Variants in RFX5 observed in about 807,000 individuals in gnomAD.
RFX5 encodes the protein regulatory factor X5, also known as DNA-binding protein RFX5.
Under a neutral mutation model 41.2 loss-of-function variants are expected in RFX5, and 30 were observed. The observed-to-expected ratio is 0.73, with a 90% CI of 0.54 to 0.99. The LOEUF is 0.99. Ranked by LOEUF, RFX5 falls within the 50% of genes least tolerant of loss-of-function variation. The pLI, the probability that RFX5 is intolerant of heterozygous loss-of-function variation, is 0.00. For missense variants in RFX5, 715 were observed against 773.6 expected, an observed-to-expected ratio of 0.92 and a Z score of 0.90; for synonymous variants, 231 against 291.8, an observed-to-expected ratio of 0.79 and a Z score of 2.12.
At position 151,343,374 on chromosome 1, in the gene RFX5, C is replaced by T. The variant is rs2102062601; in HGVS notation, c.826G>A (p.Gly276Arg). Residue 276 changes from glycine to arginine, a missense_variant, in exon 10 of 11, where the codon GGA becomes AGA. Gly to Arg is a moderately radical substitution (Grantham distance 125). Coordinates refer to ENST00000452671, the MANE Select transcript of RFX5 (RefSeq NM_001025603.2). ...PKNGLENPEG[G>R]AHKKPERLAQ... ...AGTCTCTCTGGCTTCTTGTGGGCTC[C>T]ACCCTCTGGGTTCTCTAAACCATTC... 2 of 1,613,596 alleles carry T rather than the reference C, an allele frequency of 1.2e-6. No homozygotes were observed. The highest frequency in any genetic ancestry group is 1.7e-6 in the Non-Finnish European group (2 of 1,180,020).
chr1:151,342,204 T>A lies in RFX5; in HGVS notation c.1833A>T (p.Pro611=). 1 of 1,614,200 alleles carries A rather than the reference T, an allele frequency of 6.2e-7. No individual in the cohort carries two copies. Among genetic ancestry groups the A allele is most frequent in the Non-Finnish European group, 8.5e-7 (1 of 1,180,036 alleles). ...ACCTGTATCATGGGGGTGTTGCTTT[T>A]GGGTCTTTATGCTCCTGGGATAAGG... The part of the protein sequence containing the change: ...QSSLSQEHKD[P]KATPP The change falls in exon 11 of 11, where the codon CCA becomes CCT. Residue 611 remains proline, a synonymous_variant. Coordinates refer to ENST00000452671, the MANE Select transcript of RFX5 (RefSeq NM_001025603.2).
chr1:151,344,701 C>A, intron 6 of RFX5, 27 bp downstream of exon 6: 1 of 1,550,214 alleles, frequency 6.5e-7, no homozygotes, highest in South Asian at 1.2e-5. Context: ...CCAATCCACT[C>A]ATCCCACCAC....
At position 151,346,269 on chromosome 1, in the gene RFX5, G is replaced by T. The variant is rs1291514468; in HGVS notation, c.52C>A (p.Pro18Thr). 2.5e-6 allele frequency: 4 copies of T among 1,614,162 alleles called. No individual in the cohort carries two copies. Among genetic ancestry groups the T allele is most frequent in the Non-Finnish European group, 3.4e-6 (4 of 1,180,032 alleles). Reference sequence around the variant, plus strand: ...TCCCCAGCCTCAGCACCACCTGGGGGGGCCCTTCCCCCAGTCTTGGGGCTC... The same window carrying T: ...TCCCCAGCCTCAGCACCACCTGGGGTGGCCCTTCCCCCAGTCTTGGGGCTC... ...AKSPKTGGRAPPGGAEAGEPT... is the reference protein window; with the variant it reads ...AKSPKTGGRATPGGAEAGEPT... Residue 18 changes from proline to threonine, a missense_variant, in exon 3 of 11, where the codon CCC (proline) becomes ACC (threonine). Pro to Thr is a conservative substitution (Grantham distance 38). Transcript: ENST00000452671.
chr1:151,342,164 C>T lies in RFX5; in HGVS notation c.*22G>A, dbSNP rs1048058994. 6.8e-6 allele frequency: 11 copies of T among 1,614,084 alleles called. No homozygotes were observed. The highest frequency in any genetic ancestry group is 8.5e-6 in the Non-Finnish European group (10 of 1,180,042). On this transcript the variant is annotated 3_prime_UTR_variant, in exon 11 of 11. Coordinates refer to ENST00000452671, the MANE Select transcript of RFX5 (RefSeq NM_001025603.2). ...GGCAAAGTTAACGTAGGGATATAAA[C>T]ACTCTTCCCCACAGACCTGTATCAT... is the stretch of plus-strand genomic sequence containing the variant.
At position 151,344,477 on chromosome 1, in the gene RFX5, A is replaced by C; in HGVS notation, c.413T>G (p.Ile138Ser). The C allele has an allele frequency of 6.2e-7, 1 of 1,614,190 alleles. No homozygotes were observed. The highest frequency in any genetic ancestry group is 8.5e-7 in the Non-Finnish European group (1 of 1,180,036). ...GATGTCAGGGAAGATCTCTCTGATG[A>C]TCTTGCCAAAGTTGGCTGTGCTGAG... Reference protein sequence around the residue: ...RPLSTANFGKIIREIFPDIKA... With the variant: ...RPLSTANFGKSIREIFPDIKA... Residue 138 changes from isoleucine to serine, a missense_variant, in exon 7 of 11, where the codon ATC becomes AGC. Coordinates refer to ENST00000452671, the MANE Select transcript of RFX5 (RefSeq NM_001025603.2).
Position 151,342,108 on chromosome 1 carries a change from G to A in RFX5, c.*78C>T, listed in dbSNP as rs781535434. On this transcript the variant is annotated 3_prime_UTR_variant, in exon 11 of 11. Transcript: ENST00000452671. ...TTCCTTAGGAAAAGAATAGCCAAAT[G>A]AGAAGCAAGTGCAAAGAAGGGCCTC... 3.8e-6 allele frequency: 6 copies of A among 1,596,022 alleles called. No individual in the cohort carries two copies. Among genetic ancestry groups the A allele is most frequent in the East Asian group, 2.2e-5 (1 of 44,794 alleles).
At position 151,342,268 on chromosome 1, in the gene RFX5, T is replaced by G; in HGVS notation, c.1769A>C (p.Gln590Pro). 6.2e-7 allele frequency: 1 copy of G among 1,614,226 alleles called. No homozygotes were observed. Among genetic ancestry groups the G allele is most frequent in the Non-Finnish European group, 8.5e-7 (1 of 1,180,042 alleles). ...LAKGEVDTAPQGNKDLKEHVL... is the reference protein window; with the variant it reads ...LAKGEVDTAPPGNKDLKEHVL... ...ATGCTCCTTTAAGTCTTTATTACCC[T>G]GTGGTGCAGTGTCTACCTCTCCCTT... Residue 590 changes from glutamine to proline, a missense_variant, in exon 11 of 11, where the codon CAG becomes CCG. Gln to Pro is a moderately conservative substitution (Grantham distance 76). Coordinates refer to ENST00000452671, the MANE Select transcript of RFX5 (RefSeq NM_001025603.2).
chr1:151,344,573 A>C (rs1290581737), intron 6 of RFX5, 37 bp from the exon 7 acceptor site: 3 of 1,614,006 alleles, frequency 1.9e-6, no homozygotes, highest in Non-Finnish European at 2.5e-6. Context: ...AGATACTCAG[A>C]GAAGGAGGCC....
chr1:151,343,226 G>A (rs1571258472), intron 10 of RFX5, 48 bp from the exon 11 acceptor site: 5 of 1,610,346 alleles, frequency 3.1e-6, no homozygotes, highest in Non-Finnish European at 4.2e-6. Context: ...AATGAGTATT[G>A]GGGGAAACAT....
At chr1:151,344,070 A>C in intron 8 of RFX5, 127 bp downstream of exon 8, 1 of 1,145,172 alleles carries the variant, frequency 8.7e-7, no homozygotes, top group Non-Finnish European at 1.3e-6. Context: ...GGTTGGCAGA[A>C]GGGAACATCA....
rs1339696482 is a variant in RFX5, at chr1:151,341,371, T to C, written c.*815A>G. 1 of 152,826 alleles carries C rather than the reference T, an allele frequency of 6.5e-6. No individual in the cohort carries two copies. The highest frequency in any genetic ancestry group is 2.4e-5 in the African/African-American group (1 of 41,456). 9.5% of individuals were successfully genotyped at this position (152,826 alleles called of 1,614,324 possible). A position where few individuals can be genotyped will look rare whatever the true frequency, so the allele number is the denominator to read the frequency against. On this transcript the variant is annotated 3_prime_UTR_variant, in exon 11 of 11. Transcript: ENST00000452671. ...TCTAGCTGATCTCAACTTAGCAAGCTAAAATAAGAGTAGCCTGGTGTTAGC... is the reference window on the plus strand; with the variant it reads ...TCTAGCTGATCTCAACTTAGCAAGCCAAAATAAGAGTAGCCTGGTGTTAGC...
rs1349216150 is a variant in RFX5, at chr1:151,343,365, T to C, written c.835A>G (p.Lys279Glu). 3.1e-6 allele frequency: 5 copies of C among 1,613,388 alleles called. No homozygotes were observed. The highest frequency in any genetic ancestry group is 4.2e-6 in the Non-Finnish European group (5 of 1,180,034). The change falls in exon 10 of 11, where the codon AAG becomes GAG. Residue 279 changes from lysine (K) to glutamate (E), a missense_variant. Lys to Glu is a moderately conservative substitution (Grantham distance 56). Transcript: ENST00000452671. Reference protein sequence around the residue: ...GLENPEGGAHKKPERLAQPPK... With the variant: ...GLENPEGGAHEKPERLAQPPK... ...ACCTGGGCCAGTCTCTCTGGCTTCT[T>C]GTGGGCTCCACCCTCTGGGTTCTCT...
chr1:151,346,117 G>A, intron 3 of RFX5, 88 bp downstream of exon 3: 2 of 1,550,392 alleles, frequency 1.3e-6, no homozygotes, highest in Middle Eastern at 1.7e-4. Flanking sequence ...CCCTTGCTGA[G>A]AGGCAGTTCA....
chr1:151,344,791 C>T lies in RFX5; in HGVS notation c.290G>A (p.Arg97His), dbSNP rs756804631. Reference protein sequence around the residue: ...EEYMYAYRWIRNHLEEHTDTC... With the variant: ...EEYMYAYRWIHNHLEEHTDTC... ...GTCAGTGTGCTCTTCCAGGTGGTTG[C>T]GGATCCACCTATAGGCATACATGTA... The change falls in exon 6 of 11, where the codon CGC becomes CAC. Residue 97 changes from arginine to histidine, a missense_variant. Physicochemically the swap from Arg to His is conservative, Grantham distance 29. Coordinates refer to ENST00000452671, the MANE Select transcript of RFX5 (RefSeq NM_001025603.2). 1.9e-6 allele frequency: 3 copies of T among 1,563,796 alleles called. No individual in the cohort carries two copies. Among genetic ancestry groups the T allele is most frequent in the East Asian group, 5.0e-5 (2 of 40,306 alleles).
At chr1:151,346,061 G>A (rs1651022164) in intron 3 of RFX5, 100 bp from the exon 4 acceptor site, 12 of 1,596,814 alleles carry the variant, frequency 7.5e-6, no homozygotes, top group Admixed American at 1.7e-5. Context: ...CCCAGCAGGT[G>A]CTCAAGAATT....
At position 151,344,308 on chromosome 1, in the gene RFX5, T is replaced by C. The variant is rs201051447; in HGVS notation, c.474-30A>G. On this transcript the variant is annotated intron_variant, in intron 7 of 10. Coordinates refer to ENST00000452671, the MANE Select transcript of RFX5 (RefSeq NM_001025603.2). The stretch of plus-strand genomic sequence containing the variant: ...TGCAAGTTAAAGAGCAGCCAACACA[T>C]GGCGATCTCCAAGCCCCTCGAGCAA... The C allele has an allele frequency of 3.1e-6, 5 of 1,613,934 alleles. No homozygotes were observed. The Admixed American group carries it at 6.7e-5, about 22-fold the overall frequency.
rs745798149 is a variant in RFX5, at chr1:151,344,177, G to A, written c.555+20C>T. 3 of 1,611,802 alleles carry A rather than the reference G, an allele frequency of 1.9e-6. No homozygotes were observed. In the African/African-American group the frequency reaches 4.0e-5, roughly 22 times the overall value. ...TACCTGGGAGAGAAGAGTGGAATTG[G>A]AAGGTGATTTGGTACTTACACTCTC... On this transcript the variant is annotated intron_variant, in intron 8 of 10. Coordinates refer to ENST00000452671, the MANE Select transcript of RFX5 (RefSeq NM_001025603.2).
At chr1:151,344,703 T>TCCCCCCCCCCCCCCCCCCCCCCCC in intron 6 of RFX5, 25 bp downstream of exon 6, 2 of 1,515,614 alleles carry the variant, frequency 1.3e-6, no homozygotes, top group Non-Finnish European at 1.8e-6. Flanking sequence ...AATCCACTCA[T>TCCCCCCCCCCCCCCCCCCCCCCCC]CCCACCACCC....
chr1:151,345,790 T>C, intron 4 of RFX5, 138 bp downstream of exon 4: 2 of 1,249,572 alleles, frequency 1.6e-6, no homozygotes, highest in Non-Finnish European at 2.3e-6. Context: ...GGCAGCAAGT[T>C]TGCAAAGCCA....
Sources: gnomAD v4.1 joint callset for allele counts on GRCh38, gnomAD v4.1.1 for gene constraint, MANE v1.5 for transcripts, NCBI Gene and HGNC (gene_info 2026-07-23, HGNC 2026-07-21) for gene names.